RPTOR: variants seen among roughly 807,000 people sequenced by gnomAD.
RPTOR encodes the protein regulatory-associated protein of mTOR.
Under a neutral mutation model 169.9 loss-of-function variants are expected in RPTOR, and 21 were observed. The ratio of observed to expected loss-of-function variants is 0.12; its 90% CI spans 0.09 to 0.18. The LOEUF (loss-of-function observed/expected upper bound fraction) is 0.18. RPTOR is among the 10% of genes least tolerant of loss of function. RPTOR has a pLI of 1.00. For missense variants in RPTOR, 1,133 were observed against 1,855.9 expected (o/e 0.61, Z 7.16); for synonymous variants, 732 against 753.2 (o/e 0.97, Z 0.46).
In RPTOR at chr17:80,965,857, G is replaced by A. The variant is rs1048509912; in HGVS notation, c.*1527G>A. On this transcript the variant is annotated 3_prime_UTR_variant, in exon 34 of 34. Coordinates refer to ENST00000306801, the MANE Select transcript of RPTOR (RefSeq NM_020761.3). ...TTTGGAATGCGAGCTCCCACCAGAA[G>A]AAGGTTCCGGCACGAATCCCATCCC... The A allele has an allele frequency of 1.3e-5, 3 of 233,306 alleles. No individual in the cohort carries two copies. The highest frequency in any genetic ancestry group is 6.6e-5 in the African/African-American group (3 of 45,348). The allele number at this position is 233,306 out of a possible 1,614,324, so 14.5% of individuals were successfully genotyped here. A position where few individuals can be genotyped will look rare whatever the true frequency, so the allele number is the denominator to read the frequency against.
At chr17:80,963,112 G>A (rs942211096) in intron 33 of RPTOR, 55 bp downstream of exon 33, 2 of 1,346,140 alleles carry the variant, frequency 1.5e-6, no homozygotes, top group Non-Finnish European at 2.1e-6. Flanking sequence ...AGAGGGATGG[G>A]AGGCAAGGGG....
At chr17:80,794,030 T>G (rs893476808) in intron 7 of RPTOR, among the ~76,000 whole-genome samples, 1 of 152,162 alleles carries the variant, frequency 6.6e-6, no homozygotes, top group Non-Finnish European at 1.5e-5. Flanking sequence ...TTCCAAAACT[T>G]AAAATGTGCA....
At chr17:80,653,425 T>C (rs1332461264) in intron 3 of RPTOR, among the ~76,000 whole-genome samples, 2 of 152,230 alleles carry the variant, frequency 1.3e-5, no homozygotes, top group Non-Finnish European at 2.9e-5. Flanking sequence ...ATACTGATCA[T>C]ATATATACTG....
At chr17:80,952,421 G>A (rs972806994) in intron 28 of RPTOR, among the ~76,000 whole-genome samples, 6 of 152,304 alleles carry the variant, frequency 3.9e-5, no homozygotes, top group Admixed American at 1.3e-4. Flanking sequence ...CCCTGGAACT[G>A]AGGAGCTCAG....
At chr17:80,758,085 G>T (rs746859919) in intron 6 of RPTOR, among the ~76,000 whole-genome samples, 5 of 152,208 alleles carry the variant, frequency 3.3e-5, no homozygotes, top group Non-Finnish European at 7.3e-5. Context: ...GAGATCCTAA[G>T]AAGCATATTG....
chr17:80,557,221 G>A (rs1387115037), intron 1 of RPTOR, among the ~76,000 whole-genome samples: 4 of 152,180 alleles, frequency 2.6e-5, no homozygotes, highest in Admixed American at 2.6e-4. Flanking sequence ...CATAGGAGGT[G>A]TCCTCCAGTT....
intron 24 of RPTOR, 70 bp from the exon 25 acceptor site, chr17:80,940,426 T>C (rs1372134632): frequency 2.3e-6 from 3 of 1,330,318 alleles, no homozygotes; most frequent in Admixed American, 2.0e-5. Context: ...CTAGAACCCA[T>C]ACCCCATTGA....
At chr17:80,833,953 C>T (rs924208448) in intron 9 of RPTOR, among the ~76,000 whole-genome samples, 7 of 152,258 alleles carry the variant, frequency 4.6e-5, no homozygotes, top group South Asian at 2.1e-4. Flanking sequence ...CGCACCACTG[C>T]GCTCCAGCAT....
chr17:80,963,938 A>G (rs2069387050), intron 33 of RPTOR, among the ~76,000 whole-genome samples: 1 of 151,962 alleles, frequency 6.6e-6, no homozygotes, highest in Admixed American at 6.5e-5. Flanking sequence ...GATTCTGCCC[A>G]CCTGCCGCCT....
chr17:80,888,072 A>T (rs1472024229), intron 17 of RPTOR, among the ~76,000 whole-genome samples: 1 of 152,132 alleles, frequency 6.6e-6, no homozygotes, highest in African/African-American at 2.4e-5. Flanking sequence ...CCTCCCTGTC[A>T]TGGCCTCGGG....
intron 26 of RPTOR, among the ~76,000 whole-genome samples, chr17:80,946,896 CTGTTTTCTGCAGGAAA>C (rs2069110710): frequency 6.6e-6 from 1 of 152,254 alleles, no homozygotes; most frequent in Non-Finnish European, 1.5e-5. Flanking sequence ...AACCACCAGG[CTGTTTTCTGCAGGAAA>C]TCCTCTTCCC....
At position 80,891,921 on chromosome 17, in the gene RPTOR, G is replaced by A. The variant is rs1283648020; in HGVS notation, c.2101+84G>A. The A allele has an allele frequency of 1.8e-5, 16 of 910,960 alleles. No individual in the cohort carries two copies. In the East Asian group the frequency reaches 1.9e-4, roughly 11 times the overall value. 56.4% of individuals were successfully genotyped at this position (910,960 alleles called of 1,614,324 possible). A position where few individuals can be genotyped will look rare whatever the true frequency, so the allele number is the denominator to read the frequency against. ...CCGCGGCCCAGTCTTGCTCACCCTC[G>A]CAGAGTCTAAGCGCAGGTTTCTCAG... is the stretch of plus-strand genomic sequence containing the variant. On this transcript the variant is annotated intron_variant, in intron 18 of 33. Coordinates refer to ENST00000306801, the MANE Select transcript of RPTOR (RefSeq NM_020761.3).
intron 9 of RPTOR, among the ~76,000 whole-genome samples, chr17:80,834,017 A>G (rs898192470): frequency 2.0e-5 from 3 of 152,254 alleles, no homozygotes; most frequent in Admixed American, 6.5e-5. Flanking sequence ...AAAGGTTGCC[A>G]TGCGATTTTA....
chr17:80,570,204 C>G (rs1255255752), intron 1 of RPTOR, among the ~76,000 whole-genome samples: 16 of 152,122 alleles, frequency 1.1e-4, no homozygotes, highest in African/African-American at 2.9e-4. Flanking sequence ...TGTCTTCCCG[C>G]TCAGGGACCA....
At chr17:80,766,452 T>G (rs1387114130) in intron 6 of RPTOR, among the ~76,000 whole-genome samples, 1 of 152,168 alleles carries the variant, frequency 6.6e-6, no homozygotes, top group Non-Finnish European at 1.5e-5. Flanking sequence ...TGGGCTCAAG[T>G]GATCCTCCTG....
intron 11 of RPTOR, among the ~76,000 whole-genome samples, chr17:80,854,447 AGT>A (rs2067830107): frequency 1.3e-5 from 2 of 152,202 alleles, no homozygotes; most frequent in African/African-American, 4.8e-5. Context: ...TGCCGTCGAG[AGT>A]GTGAGTGGGT....
In RPTOR at chr17:80,880,497, C is replaced by G; in HGVS notation, c.1584+8C>G. On this transcript the variant is annotated splice_region_variant and intron_variant, in intron 14 of 33. Transcript: ENST00000306801. The stretch of plus-strand genomic sequence containing the variant: ...GCGGACCCCTACATGCCAGTAAGGA[C>G]GGGGCAGCACGCTCTCCACGGGCTT... 1 of 1,613,026 alleles carries G rather than the reference C, an allele frequency of 6.2e-7. No individual in the cohort carries two copies. The highest frequency in any genetic ancestry group is 8.5e-7 in the Non-Finnish European group (1 of 1,179,626).
chr17:80,610,284 C>T (rs779415154), intron 1 of RPTOR, among the ~76,000 whole-genome samples: 1 of 152,124 alleles, frequency 6.6e-6, no homozygotes, highest in Non-Finnish European at 1.5e-5. Flanking sequence ...CTGGTACATG[C>T]AGCAAAAGCT....
intron 11 of RPTOR, among the ~76,000 whole-genome samples, chr17:80,849,603 T>G (rs2067771368): frequency 6.6e-6 from 1 of 152,190 alleles, no homozygotes; most frequent in Admixed American, 6.5e-5. Flanking sequence ...CACTGCAACC[T>G]CTGCCTCCTG....
Sources: gnomAD v4.1 joint callset for allele counts (sites outside exome capture counted in the v4.1 genomes callset) on GRCh38, gnomAD v4.1.1 for gene constraint, MANE v1.5 for transcripts, NCBI Gene and HGNC (gene_info 2026-07-23, HGNC 2026-07-21) for gene names.